Variants in H2BC4 observed in about 807,000 individuals in gnomAD.
H2BC4 encodes the protein H2B clustered histone 4.
Under a neutral mutation model 6.2 loss-of-function variants are expected in H2BC4, and 10 were observed. The ratio of observed to expected loss-of-function variants is 1.61; its 90% CI spans 0.99 to 2.73. H2BC4 has a LOEUF of 2.73. Among genes scored for constraint, H2BC4 ranks in the 30% most tolerant of loss-of-function variants. The pLI, the probability that H2BC4 is intolerant of heterozygous loss-of-function variation, is 0.00. For synonymous variants in H2BC4, 146 were observed against 70.7 expected (o/e 2.07, Z -5.35); for missense variants, 176 against 168.7 (o/e 1.04, Z -0.24).
Position 26,116,681 on chromosome 6 carries a change from C to T in H2BC4, c.*10-1546G>A, listed in dbSNP as rs563796024. On this transcript the variant is annotated intron_variant, in intron 1 of 1. Transcript: ENST00000314332. ...CGCCACTACACTCCAGCCTGGCAGC[C>T]TGGGCAACAAAGTGAGACCCTGTCT... Among the ~76,000 whole-genome samples the T allele has an allele frequency of 2.0e-5, 3 of 152,224 alleles. No homozygotes were observed. The East Asian group carries it at 5.8e-4, about 29-fold the overall frequency.
chr6:26,122,067 A>G (rs574172785), downstream of H2BC4, among the ~76,000 whole-genome samples: 21 of 152,014 alleles, frequency 1.4e-4, no homozygotes, highest in African/African-American at 1.7e-4. Context: ...AAAAAAAAAA[A>G]AAAAGAAAAA....
downstream of H2BC4, chr6:26,123,446 A>C: frequency 6.3e-7 from 1 of 1,577,210 alleles, no homozygotes; most frequent in African/African-American, 1.4e-5. Context: ...GCGTCTGGCC[A>C]CAGCTCTTTT....
chr6:26,123,357 C>G (rs1341140596), downstream of H2BC4: 1 of 1,227,168 alleles, frequency 8.1e-7, no homozygotes, highest in South Asian at 1.6e-5. Flanking sequence ...CCCTTTGTCC[C>G]TCTCTAAGCT....
At chr6:26,121,379 CA>C (rs1333680230), downstream of H2BC4, among the ~76,000 whole-genome samples, 7 of 152,174 alleles carry the variant, frequency 4.6e-5, no homozygotes, top group Admixed American at 3.9e-4. Flanking sequence ...AAACTTTTAG[CA>C]TGCAAAAGCC....
In H2BC4 at chr6:26,123,501, G is replaced by T. The variant is rs762001780; in HGVS notation, c.*23C>A. ...CTTAAAAGAGCCTTTGGGGTTAGGT[G>T]TTAAGACGCTTACTTGGAATGTTTA... On this transcript the variant is annotated 3_prime_UTR_variant, in exon 1 of 1. Transcript: ENST00000396984. 6.2e-7 allele frequency: 1 copy of T among 1,614,216 alleles called. No homozygotes were observed. Among genetic ancestry groups the T allele is most frequent in the Non-Finnish European group, 8.5e-7 (1 of 1,180,032 alleles).
intron 1 of H2BC4, among the ~76,000 whole-genome samples, chr6:26,118,333 TCAGTTTGGTCAAC>T: frequency 1.3e-5 from 1 of 76,832 alleles, no homozygotes; most frequent in African/African-American, 3.4e-5. Flanking sequence ...TGGTCAAAGA[TCAGTTTGGTCAAC>T]TTTAGTTAAA....
At chr6:26,121,206 C>A (rs538651749), downstream of H2BC4, among the ~76,000 whole-genome samples, 2 of 152,116 alleles carry the variant, frequency 1.3e-5, no homozygotes, top group African/African-American at 4.8e-5. Context: ...AAAAACACCC[C>A]AAAAAAAGGT....
At chr6:26,123,396 T>G, downstream of H2BC4, 3 of 1,465,732 alleles carry the variant, frequency 2.0e-6, no homozygotes, top group South Asian at 2.7e-5. Flanking sequence ...CCTCTCCAGT[T>G]CCTATATTCT....
chr6:26,115,528 T>G (rs954136690), intron 1 of H2BC4, among the ~76,000 whole-genome samples: 2 of 152,182 alleles, frequency 1.3e-5, no homozygotes, highest in African/African-American at 4.8e-5. Context: ...ACTTGAAGGA[T>G]AAAAATTTAT....
chr6:26,123,724 C>CCAT lies in H2BC4; in HGVS notation c.178_180dup (p.Met60dup). On this transcript the variant is annotated inframe_insertion, in exon 1 of 1. Coordinates refer to ENST00000396984, the MANE Select transcript of H2BC4 (RefSeq NM_003526.3). The stretch of plus-strand genomic sequence containing the variant: ...TCGTTAACGAAAGAATTCATGATGC[C>CCAT]CATGGCCTTGGAAGAGATGCCAGTG... The CCAT allele has an allele frequency of 6.2e-7, 1 of 1,614,242 alleles. No individual in the cohort carries two copies. The highest frequency in any genetic ancestry group is 8.5e-7 in the Non-Finnish European group (1 of 1,180,048).
chr6:26,116,850 C>G (rs1273631536), intron 1 of H2BC4, among the ~76,000 whole-genome samples: 1 of 152,152 alleles, frequency 6.6e-6, no homozygotes, highest in Non-Finnish European at 1.5e-5. Context: ...TACTCAGAGC[C>G]TAGAATACCT....
At chr6:26,123,287 TAAGC>T (rs779527827), downstream of H2BC4, 1 of 677,272 alleles carries the variant, frequency 1.5e-6, no homozygotes, top group Non-Finnish European at 2.3e-6. Context: ...ATTTTAAATT[TAAGC>T]ACAACGAATT....
downstream of H2BC4, chr6:26,123,377 G>A: frequency 7.3e-7 from 1 of 1,366,898 alleles, no homozygotes; most frequent in Non-Finnish European, 9.8e-7. Flanking sequence ...TGCAACACTT[G>A]TCCCCACCCC....
At chr6:26,122,627 C>T (rs1763517078), downstream of H2BC4, among the ~76,000 whole-genome samples, 1 of 152,140 alleles carries the variant, frequency 6.6e-6, no homozygotes, top group African/African-American at 2.4e-5. Flanking sequence ...CCTTACTGGC[C>T]TTCAGTTCAG....
Sources: gnomAD v4.1 joint callset for allele counts (sites outside exome capture counted in the v4.1 genomes callset) on GRCh38, gnomAD v4.1.1 for gene constraint, MANE v1.5 for transcripts, NCBI Gene and HGNC (gene_info 2026-07-23, HGNC 2026-07-21) for gene names.